Variants in SLC5A5 observed in about 807,000 individuals in gnomAD.
The protein encoded by SLC5A5 is sodium/iodide cotransporter.
SLC5A5 carries 56 observed loss-of-function variants against 68.6 expected under a neutral mutation model. The observed-to-expected ratio is 0.82, with a 90% CI of 0.66 to 1.02. The LOEUF (loss-of-function observed/expected upper bound fraction) is 1.02, where lower values mean the gene tolerates loss of function less well. Among genes scored for constraint, SLC5A5 ranks in the 50% least tolerant of loss-of-function variants. SLC5A5 has a pLI of 0.00. For missense variants in SLC5A5, 807 were observed against 859.8 expected, an observed-to-expected ratio of 0.94 and a Z score of 0.77; for synonymous variants, 398 against 373.0, an observed-to-expected ratio of 1.07 and a Z score of -0.77.
chr19:17,872,479 C>T lies in SLC5A5; in HGVS notation c.160C>T (p.Leu54=). 6.2e-7 allele frequency: 1 copy of T among 1,611,638 alleles called. No homozygotes were observed. The highest frequency in any genetic ancestry group is 8.5e-7 in the Non-Finnish European group (1 of 1,179,344). Residue 54 remains leucine, a synonymous_variant, in exon 1 of 15, where the codon CTG becomes TTG. Transcript: ENST00000222248. ...AEDFFTGGRR[L]AALPVGLSLS... ...GGACTTCTTCACCGGGGGCCGGCGC[C>T]TGGCGGCCCTGCCCGTGGGCCTGTC...
At position 17,874,519 on chromosome 19, in the gene SLC5A5, A is replaced by T. The variant is rs769702199; in HGVS notation, c.449A>T (p.Tyr150Phe). The change falls in exon 3 of 15, where the codon TAC becomes TTC. Residue 150 changes from tyrosine to phenylalanine, a missense_variant. Tyr to Phe is a conservative substitution (Grantham distance 22). Transcript: ENST00000222248. The stretch of plus-strand genomic sequence containing the variant: ...ATGCTGTACACCGGCATCGTAATCT[A>T]CGCACCGGCCCTCATCCTGAACCAA... The part of the protein sequence containing the change: ...ATMLYTGIVI[Y>F]APALILNQVT... 4 of 1,613,660 alleles carry T rather than the reference A, an allele frequency of 2.5e-6. No individual in the cohort carries two copies. The South Asian group carries it at 4.4e-5, about 18-fold the overall frequency.
At position 17,882,177 on chromosome 19, in the gene SLC5A5, C is replaced by G. The variant is rs1375117901; in HGVS notation, c.1200C>G (p.Thr400=). 1.2e-6 allele frequency: 2 copies of G among 1,614,078 alleles called. No homozygotes were observed. Among genetic ancestry groups the G allele is most frequent in the Admixed American group, 1.7e-5 (1 of 59,998 alleles). The change falls in exon 10 of 15, where the codon ACC becomes ACG. Residue 400 remains threonine (T), a synonymous_variant. Transcript: ENST00000222248. ...LSLIYGSACL[T]VAALSSLLGG... The stretch of plus-strand genomic sequence containing the variant: ...TCATCTACGGATCGGCCTGTCTCAC[C>G]GTGGCAGCCCTGTCCTCACTGCTCG...
intron 4 of SLC5A5, among the ~76,000 whole-genome samples, chr19:17,875,569 C>T (rs2094304783): frequency 6.7e-6 from 1 of 148,586 alleles, no homozygotes; most frequent in Admixed American, 6.9e-5. Flanking sequence ...TCGAGACCAG[C>T]CTAGGCAACA....
At chr19:17,890,347 G>A (rs905172964) in intron 13 of SLC5A5, among the ~76,000 whole-genome samples, 4 of 152,156 alleles carry the variant, frequency 2.6e-5, no homozygotes, top group African/African-American at 7.2e-5. Flanking sequence ...TGGGACTACA[G>A]GCGTGAGCCA....
rs1247095262 is a variant in SLC5A5, at chr19:17,883,702, G to A, written c.1264G>A (p.Val422Ile). The stretch of plus-strand genomic sequence containing the variant: ...CCAGGGCTCCTTCACCGTCATGGGA[G>A]TCATCAGCGGCCCCCTGCTGGGAGC... ...VLQGSFTVMG[V>I]ISGPLLGAFI... The change falls in exon 11 of 15, where the codon GTC (valine) becomes ATC (isoleucine). Residue 422 changes from valine (V) to isoleucine (I), a missense_variant. Transcript: ENST00000222248. 1 of 1,612,372 alleles carries A rather than the reference G, an allele frequency of 6.2e-7. No homozygotes were observed. Among genetic ancestry groups the A allele is most frequent in the Non-Finnish European group, 8.5e-7 (1 of 1,179,320 alleles).
chr19:17,872,693 CG>C lies in SLC5A5; in HGVS notation c.357+22del. 5 of 1,476,022 alleles carry C rather than the reference CG, an allele frequency of 3.4e-6. No individual in the cohort carries two copies. Among genetic ancestry groups the C allele is most frequent in the Non-Finnish European group, 1.9e-6 (2 of 1,062,702 alleles). 91.4% of individuals were successfully genotyped at this position (1,476,022 alleles called of 1,614,324 possible). A position where few individuals can be genotyped will look rare whatever the true frequency, so the allele number is the denominator to read the frequency against. On this transcript the variant is annotated intron_variant, in intron 1 of 14. Transcript: ENST00000222248. ...ACCTACGAGGTACCGGACAGAGGCCCGGGGGTAGGACCTGCCCCACTGGCAG... is the reference window on the plus strand; with the variant it reads ...ACCTACGAGGTACCGGACAGAGGCCCGGGGTAGGACCTGCCCCACTGGCAG...
chr19:17,892,691 A>AGAGAGAGAGAGG (rs1386937959), intron 14 of SLC5A5, among the ~76,000 whole-genome samples: 1 of 150,110 alleles, frequency 6.7e-6, no homozygotes, highest in Non-Finnish European at 1.5e-5. Context: ...AGAGAGAGAG[A>AGAGAGAGAGAGG]GAGAGAGCAA....
intron 4 of SLC5A5, among the ~76,000 whole-genome samples, chr19:17,875,231 G>T (rs879590825): frequency 6.6e-6 from 1 of 151,980 alleles, no homozygotes; most frequent in South Asian, 2.1e-4. Flanking sequence ...TTACCTGGGC[G>T]CAGTGGCACG....
In SLC5A5 at chr19:17,876,010, G is replaced by C. The variant is rs2094306084; in HGVS notation, c.602G>C (p.Gly201Ala). 5 of 1,614,194 alleles carry C rather than the reference G, an allele frequency of 3.1e-6. No homozygotes were observed. Among genetic ancestry groups the C allele is most frequent in the Non-Finnish European group, 4.2e-6 (5 of 1,180,044 alleles). The part of the protein sequence containing the change: ...DVFQVVVMLS[G>A]FWVVLARGVM... ...TTCCAGGTCGTGGTGATGCTAAGTG[G>C]CTTCTGGGTTGTCCTGGCACGCGGT... The change falls in exon 5 of 15, where the codon GGC becomes GCC. Residue 201 changes from glycine to alanine, a missense_variant. Coordinates refer to ENST00000222248, the MANE Select transcript of SLC5A5 (RefSeq NM_000453.3).
intron 12 of SLC5A5, 116 bp from the exon 13 acceptor site, chr19:17,888,215 G>C (rs905335547): frequency 8.0e-7 from 1 of 1,255,196 alleles, no homozygotes; most frequent in Non-Finnish European, 1.1e-6. Context: ...AGTAATGGAG[G>C]TCTGTGCTAG....
intron 5 of SLC5A5, among the ~76,000 whole-genome samples, 170 bp from the exon 6 acceptor site, chr19:17,877,553 C>T (rs2094310293): frequency 6.6e-6 from 1 of 152,168 alleles, no homozygotes; most frequent in South Asian, 2.1e-4. Flanking sequence ...GGTGATCCAT[C>T]CGCCTTGGCC....
chr19:17,888,408 G>A lies in SLC5A5; in HGVS notation c.1604G>A (p.Gly535Asp). The change falls in exon 13 of 15, where the codon GGC becomes GAC. Residue 535 changes from glycine (G) to aspartate (D), a missense_variant. Coordinates refer to ENST00000222248, the MANE Select transcript of SLC5A5 (RefSeq NM_000453.3). Reference protein sequence around the residue: ...AISYLYYGALGTLTTVLCGAL... With the variant: ...AISYLYYGALDTLTTVLCGAL... ...TCCTATCTCTATTACGGTGCCCTGG[G>A]CACGCTGACCACTGTGCTGTGCGGA... The A allele has an allele frequency of 6.2e-7, 1 of 1,613,872 alleles. No homozygotes were observed. Among genetic ancestry groups the A allele is most frequent in the Non-Finnish European group, 8.5e-7 (1 of 1,180,008 alleles).
intron 12 of SLC5A5, among the ~76,000 whole-genome samples, chr19:17,887,550 T>C (rs1005467235): frequency 6.6e-6 from 1 of 151,576 alleles, no homozygotes; most frequent in Non-Finnish European, 1.5e-5. Context: ...CCTCCCAAAG[T>C]GCTAGGATTA....
chr19:17,891,426 G>A lies in SLC5A5; in HGVS notation c.1767+425G>A, dbSNP rs566893811. Among the ~76,000 whole-genome samples, 107 of 152,100 alleles carry A rather than the reference G, an allele frequency of 7.0e-4. 2 individuals carry two copies. Among genetic ancestry groups the A allele is most frequent in the South Asian group, 6.2e-3 (30 of 4,812 alleles). On this transcript the variant is annotated intron_variant, in intron 14 of 14. Transcript: ENST00000222248. ...TCACCATGTTGCCCAGGCTGGTCTC[G>A]AACTCCTGACCTCAAATGATCCACC... is the stretch of plus-strand genomic sequence containing the variant.
At chr19:17,882,313 T>G in intron 10 of SLC5A5, 94 bp downstream of exon 10, 1 of 973,898 alleles carries the variant, frequency 1.0e-6, no homozygotes, top group South Asian at 1.3e-5. Flanking sequence ...AGGTCACATG[T>G]GTCAGTGGCA....
intron 14 of SLC5A5, 107 bp downstream of exon 14, chr19:17,891,108 C>T (rs2030152125): frequency 6.6e-6 from 5 of 763,210 alleles, no homozygotes; most frequent in South Asian, 4.2e-5. Context: ...CTCCATCGCT[C>T]ATTATCTCCA....
rs185148597 is a variant in SLC5A5, at chr19:17,893,891, C to T, written c.*14C>T. Reference sequence around the variant, plus strand: ...ACAAACCTCTGAGGACAGGGCCAGCCGCGGGACTGACACCCTGGGATGGAA... The same window carrying T: ...ACAAACCTCTGAGGACAGGGCCAGCTGCGGGACTGACACCCTGGGATGGAA... On this transcript the variant is annotated 3_prime_UTR_variant, in exon 15 of 15. Transcript: ENST00000222248. The T allele has an allele frequency of 9.1e-4, 1,418 of 1,553,956 alleles. 7 individuals carry two copies. Among genetic ancestry groups the T allele is most frequent in the East Asian group, 5.1e-3 (209 of 41,044 alleles).
In SLC5A5 at chr19:17,889,226, G is replaced by A. The variant is rs148323884; in HGVS notation, c.1651+771G>A. ...AGCCCGGCCAACATGGTGAAACCCC[G>A]TCTCTACTAAAAATACAAAAAAATT... is the stretch of plus-strand genomic sequence containing the variant. On this transcript the variant is annotated intron_variant, in intron 13 of 14. Transcript: ENST00000222248. Among the ~76,000 whole-genome samples, 950 of 151,668 alleles carry A rather than the reference G, an allele frequency of 6.3e-3. 8 individuals carry two copies. Among genetic ancestry groups the A allele is most frequent in the African/African-American group, 0.019 (791 of 41,424 alleles).
chr19:17,893,564 G>A, intron 14 of SLC5A5, 149 bp from the exon 15 acceptor site: 1 of 752,806 alleles, frequency 1.3e-6, no homozygotes, highest in South Asian at 1.7e-5. Context: ...GGGCAGGACT[G>A]GCCCGTGCAC....
Sources: allele counts gnomAD v4.1 joint callset (sites outside exome capture counted in the v4.1 genomes callset), GRCh38; gene constraint gnomAD v4.1.1; transcripts MANE v1.5; gene names NCBI Gene and HGNC (gene_info 2026-07-23, HGNC 2026-07-21).